IGDCC3: variants seen among roughly 807,000 people sequenced by gnomAD.
IGDCC3 encodes the protein putative neuronal cell adhesion molecule.
IGDCC3 carries 47 observed loss-of-function variants against 72.0 expected under a neutral mutation model. That is an observed-to-expected ratio of 0.65 (90% CI 0.52 to 0.83). IGDCC3 has a LOEUF of 0.83. IGDCC3 is among the 40% of genes least tolerant of loss of function. The pLI, the probability that IGDCC3 is intolerant of heterozygous loss-of-function variation, is 0.00. For missense variants in IGDCC3, 1,038 were observed against 1,091.3 expected (o/e 0.95, Z 0.69); for synonymous variants, 477 against 472.8 (o/e 1.01, Z -0.11).
At position 65,353,343 on chromosome 15, in the gene IGDCC3, C is replaced by T. The variant is rs191290101; in HGVS notation, c.410-17387G>A. On this transcript the variant is annotated intron_variant, in intron 2 of 13. Transcript: ENST00000327987. Reference sequence around the variant, plus strand: ...TTAGCTCACTGCAACCTCTGCCTCCCGGGTTCAAGCAATTCTCCTGCCTCA... The same window carrying T: ...TTAGCTCACTGCAACCTCTGCCTCCTGGGTTCAAGCAATTCTCCTGCCTCA... 8.0e-4 allele frequency among the ~76,000 whole-genome samples: 122 copies of T among 151,936 alleles called. 2 individuals are homozygous for T. In the East Asian group the frequency reaches 0.023, roughly 28 times the overall value.
chr15:65,353,246 C>T (rs1403695398), intron 2 of IGDCC3, among the ~76,000 whole-genome samples: 5 of 142,560 alleles, frequency 3.5e-5, no homozygotes, highest in Non-Finnish European at 7.6e-5. Context: ...TCCCTCCTTC[C>T]TTCCTTCCTT....
Position 65,329,803 on chromosome 15 carries a change from G to C in IGDCC3, c.1920C>G (p.Gly640=). The C allele has an allele frequency of 6.2e-7, 1 of 1,614,138 alleles. No individual in the cohort carries two copies. The highest frequency in any genetic ancestry group is 1.3e-5 in the African/African-American group (1 of 75,048). Residue 640 remains glycine (G), a synonymous_variant, in exon 12 of 14, where the codon GGC becomes GGG. Transcript: ENST00000327987. This position sits in a 1 kb window ranked among gnomAD's most constrained non-coding sequence, Gnocchi z 4.1. ...EEAANQTSTT[G]IVIGIHIGVT... ...CCCCGATGTGGATGCCGATGACGAT[G>C]CCTGTGGTGGACGTCTGGTTGGCGG...
chr15:65,368,590 G>A (rs1426760066), intron 2 of IGDCC3, among the ~76,000 whole-genome samples: 5 of 152,146 alleles, frequency 3.3e-5, no homozygotes, highest in Non-Finnish European at 7.4e-5. Flanking sequence ...GGGCCAATGA[G>A]CCTGGGGACA....
intron 2 of IGDCC3, among the ~76,000 whole-genome samples, chr15:65,354,183 GC>G (rs537556795): frequency 1.8e-4 from 28 of 152,324 alleles, no homozygotes; most frequent in Admixed American, 1.6e-3. Context: ...TGGGATTATA[GC>G]CGTGAGCCAC....
rs201210814 is a variant in IGDCC3, at chr15:65,362,654, GC to G, written c.409+12442del. Among the ~76,000 whole-genome samples, 683 of 152,140 alleles carry G rather than the reference GC, an allele frequency of 4.5e-3. 4 individuals carry two copies. The highest frequency in any genetic ancestry group is 0.016 in the African/African-American group (652 of 41,500). Reference sequence around the variant, plus strand: ...TCAGAATGACTGATGACAGGGCCGTGCCCCCTCCCATTTTCCACAAAGACAA... The same window carrying G: ...TCAGAATGACTGATGACAGGGCCGTGCCCCTCCCATTTTCCACAAAGACAA... On this transcript the variant is annotated intron_variant, in intron 2 of 13. Transcript: ENST00000327987.
chr15:65,358,700 C>G (rs1274371725), intron 2 of IGDCC3, among the ~76,000 whole-genome samples: 1 of 151,986 alleles, frequency 6.6e-6, no homozygotes, highest in Non-Finnish European at 1.5e-5. Flanking sequence ...GAGACATGGT[C>G]TCTCTCTGTC....
intron 2 of IGDCC3, among the ~76,000 whole-genome samples, chr15:65,350,220 CTCCCAGGTTCAGCTAT>C (rs763989392): frequency 2.0e-5 from 3 of 151,520 alleles, no homozygotes; most frequent in Non-Finnish European, 4.4e-5. Flanking sequence ...CAACCTCCAC[CTCCCAGGTTCAGCTAT>C]TCTCCTGCTT....
intron 2 of IGDCC3, among the ~76,000 whole-genome samples, chr15:65,348,688 G>A (rs967289760): frequency 6.6e-6 from 1 of 152,200 alleles, no homozygotes; most frequent in African/African-American, 2.4e-5. Flanking sequence ...CCGGGTTAGA[G>A]GCCCGACTTA....
intron 2 of IGDCC3, among the ~76,000 whole-genome samples, chr15:65,364,612 G>C (rs2140166894): frequency 6.6e-6 from 1 of 152,274 alleles, no homozygotes; most frequent in South Asian, 2.1e-4. Context: ...GAGGGGCCGG[G>C]GCAGTGGCTC....
intron 2 of IGDCC3, among the ~76,000 whole-genome samples, chr15:65,345,518 C>T (rs1179373601): frequency 6.6e-6 from 1 of 152,028 alleles, no homozygotes; most frequent in Admixed American, 6.6e-5. Context: ...TGTGCCACTA[C>T]ACTCTAGCCC....
At chr15:65,336,036 G>A (rs28731069) in intron 2 of IGDCC3, 80 bp from the exon 3 acceptor site, 146,271 of 1,452,900 alleles carry the variant, frequency 0.1, 8,197 homozygotes, top group African/African-American at 0.14. Flanking sequence ...TGGCGTCACA[G>A]GCACGGAGAC....
At chr15:65,335,257 G>A (rs1410631437) in intron 4 of IGDCC3, 34 bp downstream of exon 4, 2 of 1,583,286 alleles carry the variant, frequency 1.3e-6, no homozygotes, top group Non-Finnish European at 1.7e-6. Context: ...AGGCCAGGTG[G>A]GGAGGTTGGG....
At chr15:65,372,397 G>C (rs1205997627) in intron 2 of IGDCC3, among the ~76,000 whole-genome samples, 4 of 152,196 alleles carry the variant, frequency 2.6e-5, no homozygotes, top group African/African-American at 7.2e-5. Flanking sequence ...TTAGGAGCCT[G>C]AGCTATTCCA....
At position 65,369,731 on chromosome 15, in the gene IGDCC3, T is replaced by C. The variant is rs554598396; in HGVS notation, c.409+5366A>G. On this transcript the variant is annotated intron_variant, in intron 2 of 13. Coordinates refer to ENST00000327987, the MANE Select transcript of IGDCC3 (RefSeq NM_004884.4). ...CAGGCCTGAGCAACTAACCTCCAGG[T>C]GATAGAGGCCTCCAGGGTTACCAGC... 4.6e-5 allele frequency among the ~76,000 whole-genome samples: 7 copies of C among 152,136 alleles called. No homozygotes were observed. In the East Asian group the frequency reaches 1.4e-3, roughly 29 times the overall value.
chr15:65,332,896 G>A (rs1384963886), intron 6 of IGDCC3, among the ~76,000 whole-genome samples: 5 of 152,342 alleles, frequency 3.3e-5, no homozygotes, highest in East Asian at 1.9e-4. Flanking sequence ...AGGTGTGAGC[G>A]TGGAGATGCC....
At chr15:65,348,560 G>A (rs1047895240) in intron 2 of IGDCC3, among the ~76,000 whole-genome samples, 3 of 152,142 alleles carry the variant, frequency 2.0e-5, no homozygotes, top group Non-Finnish European at 4.4e-5. Context: ...TAAGTGATGC[G>A]GTACCCAGGT....
rs780210441 is a variant in IGDCC3 at position 65,330,714 on chromosome 15, C to T, written c.1589G>A (p.Arg530Gln). 2.2e-5 allele frequency: 35 copies of T among 1,611,554 alleles called. No homozygotes were observed. The highest frequency in any genetic ancestry group is 1.1e-4 in the East Asian group (5 of 44,838). The change falls in exon 10 of 14, where the codon CGA becomes CAA. Residue 530 changes from arginine (R) to glutamine (Q), a missense_variant. Transcript: ENST00000327987. ...CTGCAAGGAGGAGCTGCCCAGGACT[C>T]GCACTGACAGTGGGGGTGGGGCAGG... ...EAPAPPPLSV[R>Q]VLGSSSLQLL...
rs1216870470 is a variant in IGDCC3, at chr15:65,377,056, C to G, written c.103+630G>C. Among the ~76,000 whole-genome samples the G allele has an allele frequency of 6.6e-6, 1 of 152,160 alleles. No individual in the cohort carries two copies. The highest frequency in any genetic ancestry group is 1.5e-5 in the Non-Finnish European group (1 of 68,028). ...GGGGCACGTGAGCATCCCCGCGGCT[C>G]GCTCGCTCTCGCTTTCGGTGGCTTC... On this transcript the variant is annotated intron_variant, in intron 1 of 13. Coordinates refer to ENST00000327987, the MANE Select transcript of IGDCC3 (RefSeq NM_004884.4). The surrounding 1 kb of genome is among the most constrained non-coding windows in gnomAD (Gnocchi z 4.9).
intron 2 of IGDCC3, among the ~76,000 whole-genome samples, chr15:65,343,424 G>A (rs966718713): frequency 4.0e-5 from 6 of 151,554 alleles, no homozygotes; most frequent in Non-Finnish European, 8.8e-5. Context: ...CATGTGTTGC[G>A]GGGGCGAGCA....
Sources: allele counts gnomAD v4.1 joint callset (sites outside exome capture counted in the v4.1 genomes callset), GRCh38; gene constraint gnomAD v4.1.1; non-coding constraint Gnocchi (gnomAD v3.1); transcripts MANE v1.5; gene names NCBI Gene and HGNC (gene_info 2026-07-23, HGNC 2026-07-21).